The following INTS7 variants were observed in gnomAD, a reference collection of about 807,000 sequenced individuals.
The protein encoded by INTS7 is integrator complex subunit 7.
A neutral mutation model predicts 109.2 loss-of-function variants in INTS7; 46 were observed. The observed-to-expected ratio is 0.42, with a 90% CI of 0.33 to 0.54. INTS7 has a LOEUF of 0.54. Ranked by LOEUF, INTS7 falls within the 20% of genes least tolerant of loss-of-function variation. The pLI is 0.07. For missense variants in INTS7, 929 were observed against 1,132.4 expected, an observed-to-expected ratio of 0.82 and a Z score of 2.58; for synonymous variants, 412 against 402.9, an observed-to-expected ratio of 1.02 and a Z score of -0.27.
chr1:212,022,497 T>C (rs1379504873), intron 1 of INTS7, among the ~76,000 whole-genome samples: 1 of 151,870 alleles, frequency 6.6e-6, no homozygotes, highest in African/African-American at 2.4e-5. Flanking sequence ...AGAAATTTCA[T>C]TGAGGAAGAA....
At chr1:211,975,520 G>C in intron 12 of INTS7, 148 bp from the exon 13 acceptor site, 2 of 620,596 alleles carry the variant, frequency 3.2e-6, no homozygotes, top group East Asian at 2.7e-5. Flanking sequence ...AATTCGCTGA[G>C]ACTCTGTCTA....
chr1:212,013,782 C>T (rs61828533), intron 4 of INTS7, among the ~76,000 whole-genome samples: 46,954 of 152,096 alleles, frequency 0.31, 8,875 homozygotes, highest in Middle Eastern at 0.43. Flanking sequence ...AGTACAGAAA[C>T]ATGCTGTACA....
intron 16 of INTS7, among the ~76,000 whole-genome samples, chr1:211,960,770 T>C (rs75066225): frequency 6.6e-6 from 1 of 152,114 alleles, no homozygotes; most frequent in Admixed American, 6.5e-5. Flanking sequence ...AAAAACACTT[T>C]GGGAGGCTAA....
rs66579625 is a variant in INTS7 at position 212,027,833 on chromosome 1, C to CTT, written c.95-6623_95-6622dup. On this transcript the variant is annotated intron_variant, in intron 1 of 19. Transcript: ENST00000366994. ...TTTGAAAAGGTTGGCATCGAGATTC[C>CTT]TTTTTTTTTTCTTGAGACAGTCTCA... Among the ~76,000 whole-genome samples the CTT allele has an allele frequency of 5.6e-3, 840 of 150,024 alleles. 3 individuals are homozygous for CTT. Among genetic ancestry groups the CTT allele is most frequent in the African/African-American group, 0.019 (774 of 40,996 alleles).
chr1:212,035,239 A>C (rs1667381724), intron 1 of INTS7, 105 bp downstream of exon 1: 3 of 777,660 alleles, frequency 3.9e-6, no homozygotes, highest in South Asian at 1.5e-5. Context: ...CGCCCAGCGA[A>C]GACATGCGCA....
chr1:212,024,054 T>C (rs1232415779), intron 1 of INTS7, among the ~76,000 whole-genome samples: 3 of 152,152 alleles, frequency 2.0e-5, no homozygotes, highest in Non-Finnish European at 4.4e-5. Context: ...GGTTCTCTAT[T>C]CTGCTGTCTA....
At chr1:211,976,555 C>T in intron 12 of INTS7, 27 bp downstream of exon 12, 1 of 1,590,176 alleles carries the variant, frequency 6.3e-7, no homozygotes, top group Non-Finnish European at 8.6e-7. Flanking sequence ...TCCAGCAACC[C>T]AGTTCACTCA....
At chr1:211,987,486 A>G (rs1046448928) in intron 8 of INTS7, among the ~76,000 whole-genome samples, 30 of 152,174 alleles carry the variant, frequency 2.0e-4, no homozygotes, top group African/African-American at 6.0e-4. Context: ...TTCCAGAGAA[A>G]TAATATGCAC....
chr1:211,991,727 G>A (rs1258411276), intron 7 of INTS7, among the ~76,000 whole-genome samples: 1 of 152,204 alleles, frequency 6.6e-6, no homozygotes, highest in East Asian at 1.9e-4. Context: ...TAGATTGTTG[G>A]AGGCCCTGCA....
chr1:212,015,030 C>T lies in INTS7; in HGVS notation c.509+1856G>A, dbSNP rs915490617. On this transcript the variant is annotated intron_variant, in intron 4 of 19. Coordinates refer to ENST00000366994, the MANE Select transcript of INTS7 (RefSeq NM_015434.4). ...GTGAGGAGCCCTTCCGCCTGGCAGCCGCCCCATCTGGGAGGTGAGGAGCGC... is the reference window on the plus strand; with the variant it reads ...GTGAGGAGCCCTTCCGCCTGGCAGCTGCCCCATCTGGGAGGTGAGGAGCGC... 3.3e-5 allele frequency among the ~76,000 whole-genome samples: 5 copies of T among 151,450 alleles called. No individual in the cohort carries two copies. The East Asian group carries it at 5.9e-4, about 18-fold the overall frequency.
rs1665806535 is a variant in INTS7 at position 212,004,300 on chromosome 1, C to A, written c.879+2339G>T. Among the ~76,000 whole-genome samples the A allele has an allele frequency of 3.9e-5, 6 of 152,098 alleles. No individual in the cohort carries two copies. In the South Asian group the frequency reaches 1.2e-3, roughly 32 times the overall value. On this transcript the variant is annotated intron_variant, in intron 7 of 19. Coordinates refer to ENST00000366994, the MANE Select transcript of INTS7 (RefSeq NM_015434.4). The stretch of plus-strand genomic sequence containing the variant: ...GAGGTTGCAGTAAGCCAAGACTGCA[C>A]CACTGCACTCCAGCCTGGGTGACAG...
intron 13 of INTS7, among the ~76,000 whole-genome samples, chr1:211,969,063 T>C (rs976783060): frequency 6.6e-6 from 1 of 151,894 alleles, no homozygotes; most frequent in African/African-American, 2.4e-5. Flanking sequence ...GGCGGGTGGA[T>C]CACAAGGTCA....
chr1:211,992,664 C>T (rs1209738945), intron 7 of INTS7, among the ~76,000 whole-genome samples: 1 of 151,986 alleles, frequency 6.6e-6, no homozygotes, highest in Non-Finnish European at 1.5e-5. Context: ...GCTTGGGCAA[C>T]AGGGTAAGAC....
chr1:212,032,908 A>G (rs1667235669), intron 1 of INTS7, among the ~76,000 whole-genome samples: 1 of 152,196 alleles, frequency 6.6e-6, no homozygotes, highest in Admixed American at 6.5e-5. Flanking sequence ...TTTCTTGCCT[A>G]TACTTCATAA....
chr1:212,027,476 A>G (rs1351101543), intron 1 of INTS7, among the ~76,000 whole-genome samples: 1 of 152,188 alleles, frequency 6.6e-6, no homozygotes, highest in Non-Finnish European at 1.5e-5. Context: ...TCCACCAAAA[A>G]AAAACAAAAA....
chr1:211,989,170 C>A (rs1310180188), intron 7 of INTS7, among the ~76,000 whole-genome samples: 1 of 151,954 alleles, frequency 6.6e-6, no homozygotes, highest in African/African-American at 2.4e-5. Context: ...AAATTGTCAA[C>A]AAAACTGCAG....
chr1:211,984,556 G>C (rs1664810719), intron 8 of INTS7, among the ~76,000 whole-genome samples: 1 of 151,942 alleles, frequency 6.6e-6, no homozygotes, highest in Non-Finnish European at 1.5e-5. Context: ...TAATATTTCT[G>C]AGCCTTTTCC....
At chr1:211,983,745 A>G (rs946600632) in intron 8 of INTS7, among the ~76,000 whole-genome samples, 22 of 152,218 alleles carry the variant, frequency 1.4e-4, no homozygotes, top group Non-Finnish European at 3.1e-4. Flanking sequence ...TAAACCATGA[A>G]TATCTGTGGT....
At chr1:211,948,014 A>G (rs528868833) in intron 17 of INTS7, among the ~76,000 whole-genome samples, 15 of 152,360 alleles carry the variant, frequency 9.8e-5, no homozygotes, top group South Asian at 8.3e-4. Context: ...GTCTATTTCT[A>G]TAACTATCTC....
Sources: allele counts gnomAD v4.1 joint callset (sites outside exome capture counted in the v4.1 genomes callset), GRCh38; gene constraint gnomAD v4.1.1; transcripts MANE v1.5; gene names NCBI Gene and HGNC (gene_info 2026-07-23, HGNC 2026-07-21).